STAU2: variants seen among roughly 807,000 people sequenced by gnomAD.
STAU2 encodes the protein double-stranded RNA-binding protein Staufen homolog 2.
A neutral mutation model predicts 65.9 loss-of-function variants in STAU2; 20 were observed. The ratio of observed to expected loss-of-function variants is 0.30; its 90% CI spans 0.21 to 0.44. STAU2 has a LOEUF of 0.44. Among genes scored for constraint, STAU2 ranks in the 20% least tolerant of loss-of-function variants. The pLI, the probability that STAU2 is intolerant of heterozygous loss-of-function variation, is 1.00. For synonymous variants in STAU2, 232 were observed against 233.9 expected (o/e 0.99, Z 0.07); for missense variants, 558 against 683.9 (o/e 0.82, Z 2.05).
intron 6 of STAU2, among the ~76,000 whole-genome samples, chr8:73,638,814 C>T (rs1653163166): frequency 2.0e-5 from 3 of 151,470 alleles, no homozygotes; most frequent in African/African-American, 7.3e-5. Flanking sequence ...GAAATGATCA[C>T]ATGACCTGAG....
intron 1 of STAU2, among the ~76,000 whole-genome samples, chr8:73,743,962 G>A (rs1807094358): frequency 1.3e-5 from 2 of 150,458 alleles, no homozygotes; most frequent in African/African-American, 4.9e-5. Context: ...AGTAGAGACG[G>A]GGTTTCACCA....
intron 13 of STAU2, among the ~76,000 whole-genome samples, chr8:73,457,654 C>T (rs1819140676): frequency 6.6e-6 from 1 of 152,238 alleles, no homozygotes; most frequent in Non-Finnish European, 1.5e-5. Flanking sequence ...GGTTTAAATA[C>T]CATTCTTGGC....
chr8:73,572,277 A>C (rs984773639), intron 12 of STAU2, among the ~76,000 whole-genome samples: 5 of 152,224 alleles, frequency 3.3e-5, no homozygotes, highest in Non-Finnish European at 7.3e-5. Flanking sequence ...AATCAAAAAA[A>C]TTCCAGGACC....
intron 13 of STAU2, among the ~76,000 whole-genome samples, chr8:73,507,877 T>A (rs553037231): frequency 1.3e-5 from 2 of 152,326 alleles, no homozygotes; most frequent in East Asian, 3.9e-4. Flanking sequence ...ATGGAGATGG[T>A]TTCTTTTCTT....
chr8:73,613,664 C>A, intron 9 of STAU2, 80 bp downstream of exon 9: 1 of 1,079,394 alleles, frequency 9.3e-7, no homozygotes, highest in Non-Finnish European at 1.3e-6. Context: ...CAGGGATCTG[C>A]CTTATAGAAA....
chr8:73,656,378 T>C (rs959125951), intron 6 of STAU2, among the ~76,000 whole-genome samples: 3 of 152,256 alleles, frequency 2.0e-5, no homozygotes, highest in African/African-American at 7.2e-5. Context: ...GACGTGGCAA[T>C]TGATGTTAAG....
At chr8:73,682,585 C>G (rs1818510249) in intron 5 of STAU2, among the ~76,000 whole-genome samples, 1 of 151,796 alleles carries the variant, frequency 6.6e-6, no homozygotes, top group East Asian at 1.9e-4. Flanking sequence ...AAGAACAAAC[C>G]AAACCCAGCA....
At chr8:73,693,293 G>A (rs553707706) in intron 4 of STAU2, among the ~76,000 whole-genome samples, 429 of 152,220 alleles carry the variant, frequency 2.8e-3, no homozygotes, top group Non-Finnish European at 4.0e-3. Flanking sequence ...CTAACACGGT[G>A]AAACCCCATC....
At chr8:73,729,038 G>GA (rs1382601173) in intron 3 of STAU2, among the ~76,000 whole-genome samples, 1 of 152,132 alleles carries the variant, frequency 6.6e-6, no homozygotes, top group Admixed American at 6.5e-5. Context: ...TATTGAGTTG[G>GA]ATGTTAGCTG....
intron 6 of STAU2, among the ~76,000 whole-genome samples, chr8:73,667,490 T>G (rs1050498422): frequency 6.6e-6 from 1 of 152,134 alleles, no homozygotes; most frequent in African/African-American, 2.4e-5. Flanking sequence ...GTTGCCAAAA[T>G]CTGTATTACT....
intron 13 of STAU2, among the ~76,000 whole-genome samples, chr8:73,463,457 T>G (rs933328546): frequency 6.6e-5 from 10 of 152,242 alleles, no homozygotes; most frequent in African/African-American, 2.4e-4. Context: ...TAAAGGATAC[T>G]GCTTCATAAG....
intron 13 of STAU2, among the ~76,000 whole-genome samples, chr8:73,426,799 C>A (rs983868280): frequency 4.6e-5 from 7 of 152,118 alleles, no homozygotes; most frequent in African/African-American, 1.7e-4. Context: ...CTATCGATAT[C>A]CTGTGTGATA....
intron 5 of STAU2, 106 bp downstream of exon 5, chr8:73,688,548 G>T: frequency 1.9e-6 from 2 of 1,040,928 alleles, no homozygotes; most frequent in Non-Finnish European, 2.9e-6. Context: ...GGGCATATGT[G>T]TACTATTAAT....
chr8:73,732,908 G>A (rs1038894295), intron 3 of STAU2: 14 of 152,116 alleles, frequency 9.2e-5, no homozygotes, highest in African/African-American at 3.4e-4. Flanking sequence ...CCAATGCTAA[G>A]CATTTTGCCT....
At chr8:73,604,083 G>C (rs2129722004) in intron 9 of STAU2, among the ~76,000 whole-genome samples, 1 of 152,196 alleles carries the variant, frequency 6.6e-6, no homozygotes, top group South Asian at 2.1e-4. Context: ...ATGGCAAGGT[G>C]TCAACTATGC....
intron 13 of STAU2, among the ~76,000 whole-genome samples, chr8:73,447,029 C>T (rs763331444): frequency 3.3e-5 from 5 of 152,166 alleles, no homozygotes; most frequent in South Asian, 2.1e-4. Context: ...GCAACCTCCG[C>T]GTCCCGGGTT....
At position 73,746,427 on chromosome 8, in the gene STAU2, G is replaced by C. The variant is rs547675674; in HGVS notation, c.-197+356C>G. The stretch of plus-strand genomic sequence containing the variant: ...AGAACCCCAGCCTCCCGCGCCCGCA[G>C]CCGCGTTCCTGTCTCCCCGACCTCC... On this transcript the variant is annotated intron_variant, in intron 1 of 14. Coordinates refer to ENST00000524300, the MANE Select transcript of STAU2 (RefSeq NM_001164380.2). 4.5e-3 allele frequency among the ~76,000 whole-genome samples: 680 copies of C among 150,538 alleles called. 3 individuals are homozygous for C. Among genetic ancestry groups the C allele is most frequent in the Non-Finnish European group, 7.5e-3 (508 of 67,500 alleles).
At chr8:73,599,511 AAGTT>A (rs898624003) in intron 10 of STAU2, among the ~76,000 whole-genome samples, 2 of 152,236 alleles carry the variant, frequency 1.3e-5, no homozygotes, top group African/African-American at 4.8e-5. Context: ...ACTTAAAAAA[AAGTT>A]AGAAAGTTTC....
chr8:73,533,144 T>C (rs190770486), intron 13 of STAU2, among the ~76,000 whole-genome samples: 1 of 152,224 alleles, frequency 6.6e-6, no homozygotes. Flanking sequence ...AGATTTATTA[T>C]TTATAAATTA....
Sources: allele counts gnomAD v4.1 joint callset (sites outside exome capture counted in the v4.1 genomes callset), GRCh38; gene constraint gnomAD v4.1.1; transcripts MANE v1.5; gene names NCBI Gene and HGNC (gene_info 2026-07-23, HGNC 2026-07-21).